NRG1: variants seen among roughly 807,000 people sequenced by gnomAD.
The protein encoded by NRG1 is neuregulin 1, also known as pro-neuregulin-1, membrane-bound isoform.
A neutral mutation model predicts 63.8 loss-of-function variants in NRG1; 18 were observed. The ratio of observed to expected loss-of-function variants is 0.28; its 90% confidence interval spans 0.19 to 0.42. The LOEUF (loss-of-function observed/expected upper bound fraction) is 0.42, where lower values mean the gene tolerates loss of function less well. Ranked by LOEUF, NRG1 falls within the 10% of genes least tolerant of loss-of-function variation. The probability of loss-of-function intolerance (pLI) is 1.00; values close to 1 mark genes in which losing one functional copy is unlikely to be tolerated. For missense variants in NRG1, 762 were observed against 814.7 expected (o/e 0.94, Z 0.79); for synonymous variants, 302 against 301.3 (o/e 1.00, Z -0.02).
chr8:32,141,518 T>C (rs1416585005), intron 1 of NRG1, among the ~76,000 whole-genome samples: 1 of 123,242 alleles, frequency 8.1e-6, no homozygotes, highest in African/African-American at 3.0e-5. Flanking sequence ...TGTGAGATAG[T>C]TAAGTGTGTG....
At chr8:31,710,748 T>C (rs1406891394) in intron 1 of NRG1, among the ~76,000 whole-genome samples, 2 of 152,104 alleles carry the variant, frequency 1.3e-5, no homozygotes, top group African/African-American at 4.8e-5. Flanking sequence ...TTAAACAGTA[T>C]TGAGCTTGGT....
chr8:32,699,933 TAA>T (rs1814407581), intron 5 of NRG1, among the ~76,000 whole-genome samples: 1 of 152,210 alleles, frequency 6.6e-6, no homozygotes. Flanking sequence ...ATTAAAAGTA[TAA>T]GTTACACGTT....
intron 1 of NRG1, among the ~76,000 whole-genome samples, chr8:31,926,996 G>A (rs1834412053): frequency 1.3e-5 from 2 of 151,962 alleles, no homozygotes; most frequent in Non-Finnish European, 2.9e-5. Context: ...AAAATTCACT[G>A]TCCATCCTGC....
chr8:32,562,413 A>AT (rs942255244), intron 1 of NRG1, among the ~76,000 whole-genome samples: 8 of 151,640 alleles, frequency 5.3e-5, no homozygotes, highest in South Asian at 2.1e-4. Flanking sequence ...ATGCTCGGTT[A>AT]TTTTTTTTTT....
At chr8:32,360,855 G>C (rs1037468094) in intron 1 of NRG1, among the ~76,000 whole-genome samples, 9 of 152,180 alleles carry the variant, frequency 5.9e-5, no homozygotes, top group African/African-American at 2.2e-4. Context: ...GGTTAGGAGA[G>C]AAAACAAAGC....
At chr8:32,472,362 G>C (rs146434999) in intron 1 of NRG1, among the ~76,000 whole-genome samples, 33 of 152,250 alleles carry the variant, frequency 2.2e-4, no homozygotes, top group African/African-American at 7.5e-4. Context: ...TAGAGACAGG[G>C]TTTCAACATA....
At chr8:32,175,912 G>A (rs1008976546) in intron 1 of NRG1, among the ~76,000 whole-genome samples, 2 of 152,190 alleles carry the variant, frequency 1.3e-5, no homozygotes, top group African/African-American at 2.4e-5. Flanking sequence ...ACTGCCAAAG[G>A]TAATTTATAG....
chr8:32,074,716 T>C (rs1826230441), intron 1 of NRG1, among the ~76,000 whole-genome samples: 1 of 152,214 alleles, frequency 6.6e-6, no homozygotes, highest in Admixed American at 6.5e-5. Context: ...GTGTCTGTTA[T>C]GAATTCATTG....
intron 1 of NRG1, among the ~76,000 whole-genome samples, chr8:32,451,972 C>T (rs1332025398): frequency 1.3e-5 from 2 of 152,168 alleles, no homozygotes; most frequent in African/African-American, 4.8e-5. Context: ...ATCACAGGCT[C>T]GTGCTACCAC....
intron 2 of NRG1, among the ~76,000 whole-genome samples, chr8:32,603,159 G>C (rs1844660739): frequency 2.0e-5 from 3 of 152,090 alleles, no homozygotes. Flanking sequence ...AGATAGATAA[G>C]GCTGTTAAAT....
At position 32,385,880 on chromosome 8, in the gene NRG1, A is replaced by G. The variant is rs1272849717; in HGVS notation, c.38-209948A>G. Among the ~76,000 whole-genome samples the G allele has an allele frequency of 7.2e-5, 11 of 152,360 alleles. No individual in the cohort carries two copies. The East Asian group carries it at 1.7e-3, about 24-fold the overall frequency. ...TTAGCTACTTGACACCAATCTTTTC[A>G]GCAATACTGCTGTCAGATAAGAGAA... On this transcript the variant is annotated intron_variant, in intron 1 of 10. Transcript: ENST00000519301.
intron 1 of NRG1, among the ~76,000 whole-genome samples, chr8:32,078,040 G>A (rs1316674657): frequency 3.9e-5 from 6 of 152,120 alleles, no homozygotes. Context: ...TGTTATTCTT[G>A]TCCTTTTCCA....
intron 1 of NRG1, among the ~76,000 whole-genome samples, chr8:32,435,221 A>G (rs1216997429): frequency 1.3e-5 from 2 of 152,152 alleles, no homozygotes; most frequent in African/African-American, 2.4e-5. Context: ...TCTGGAAGCT[A>G]TCATCATGGC....
At chr8:32,711,319 A>G (rs1250395574) in intron 5 of NRG1, among the ~76,000 whole-genome samples, 8 of 151,894 alleles carry the variant, frequency 5.3e-5, no homozygotes, top group Non-Finnish European at 1.0e-4. Flanking sequence ...TCTGGCACAT[A>G]GTAGATATTT....
At chr8:32,524,330 T>G (rs1435460085) in intron 1 of NRG1, among the ~76,000 whole-genome samples, 9 of 152,122 alleles carry the variant, frequency 5.9e-5, no homozygotes, top group Admixed American at 5.9e-4. Flanking sequence ...AAGCAATGTT[T>G]AACAGTGCCT....
intron 1 of NRG1, among the ~76,000 whole-genome samples, chr8:31,665,751 C>G (rs1020633401): frequency 6.6e-6 from 1 of 152,070 alleles, no homozygotes; most frequent in Admixed American, 6.5e-5. Flanking sequence ...TGTTTTGTTG[C>G]ATTGCGTTTA....
intron 1 of NRG1, among the ~76,000 whole-genome samples, chr8:32,086,310 T>G (rs16878780): frequency 0.24 from 36,502 of 152,170 alleles, 5,033 homozygotes; most frequent in East Asian, 0.65. Context: ...ACCCAAATAA[T>G]TCAGAGCACT....
At chr8:32,375,259 C>A (rs746317054) in intron 1 of NRG1, among the ~76,000 whole-genome samples, 1 of 151,924 alleles carries the variant, frequency 6.6e-6, no homozygotes, top group Admixed American at 6.6e-5. Context: ...ATTACAGGTG[C>A]GAGCCACCGT....
At chr8:32,560,669 T>G (rs191090605) in intron 1 of NRG1, among the ~76,000 whole-genome samples, 81 of 152,348 alleles carry the variant, frequency 5.3e-4, no homozygotes, top group African/African-American at 1.9e-3. Context: ...TTTGCACTGT[T>G]TATTTTGAAG....
Sources: gnomAD v4.1 joint callset for allele counts (sites outside exome capture counted in the v4.1 genomes callset) on GRCh38, gnomAD v4.1.1 for gene constraint, MANE v1.5 for transcripts, NCBI Gene and HGNC (gene_info 2026-07-23, HGNC 2026-07-21) for gene names.